SEMA6D: variants seen among roughly 807,000 people sequenced by gnomAD.
The protein encoded by SEMA6D is semaphorin-6D.
Under a neutral mutation model 106.6 loss-of-function variants are expected in SEMA6D, and 35 were observed. The observed-to-expected ratio is 0.33, with a 90% confidence interval of 0.25 to 0.44. The LOEUF is 0.44. Among genes scored for constraint, SEMA6D ranks in the 20% least tolerant of loss-of-function variants. The pLI, the probability that SEMA6D is intolerant of heterozygous loss-of-function variation, is 1.00. For synonymous variants in SEMA6D, 499 were observed against 487.7 expected, an observed-to-expected ratio of 1.02 and a Z score of -0.31; for missense variants, 1,185 against 1,345.9, an observed-to-expected ratio of 0.88 and a Z score of 1.87.
intron 4 of SEMA6D, among the ~76,000 whole-genome samples, chr15:47,614,607 T>C (rs2076972243): frequency 6.6e-6 from 1 of 152,156 alleles, no homozygotes; most frequent in African/African-American, 2.4e-5. Flanking sequence ...ACATCTATCT[T>C]CATAGTCCTT....
intron 1 of SEMA6D, among the ~76,000 whole-genome samples, chr15:47,367,385 A>G (rs972067281): frequency 1.3e-5 from 2 of 152,194 alleles, no homozygotes; most frequent in Non-Finnish European, 2.9e-5. Context: ...TTAGAGACCT[A>G]CTTGGTACTG....
In SEMA6D at chr15:47,690,795, T is replaced by TA. The variant is rs1330960623; in HGVS notation, c.-54-68948dup. 2.2e-5 allele frequency among the ~76,000 whole-genome samples: 3 copies of TA among 134,514 alleles called. No homozygotes were observed. In the East Asian group the frequency reaches 6.3e-4, roughly 28 times the overall value. 88.2% of individuals were successfully genotyped at this position (134,514 alleles called of 152,430 possible). A position where few individuals can be genotyped will look rare whatever the true frequency, so the allele number is the denominator to read the frequency against. On this transcript the variant is annotated intron_variant, in intron 4 of 19. Transcript: ENST00000558014. Reference sequence around the variant, plus strand: ...CTTTTGTAGAAACCGGGCTATTTTTTAACACTTCATTTTGTAGCAATTTTA... The same window carrying TA: ...CTTTTGTAGAAACCGGGCTATTTTTTAAACACTTCATTTTGTAGCAATTTTA...
intron 4 of SEMA6D, among the ~76,000 whole-genome samples, chr15:47,605,561 G>T (rs1247643693): frequency 4.0e-4 from 1 of 2,482 alleles, no homozygotes; most frequent in East Asian, 0.25. Context: ...ACTGCAGATG[G>T]GGTGTCTTAG....
intron 2 of SEMA6D, among the ~76,000 whole-genome samples, chr15:47,422,574 A>G (rs1482757788): frequency 6.6e-6 from 1 of 152,096 alleles, no homozygotes; most frequent in Non-Finnish European, 1.5e-5. Context: ...AGAAACTTCA[A>G]TGAGGACATG....
intron 4 of SEMA6D, among the ~76,000 whole-genome samples, chr15:47,706,008 G>C (rs2078906695): frequency 6.6e-6 from 1 of 152,158 alleles, no homozygotes; most frequent in Admixed American, 6.5e-5. Context: ...TTGGGCAAAG[G>C]ATGTTGTATT....
intron 1 of SEMA6D, among the ~76,000 whole-genome samples, chr15:47,279,106 TTACC>T (rs1566969285): frequency 2.0e-3 from 5 of 2,490 alleles, no homozygotes; most frequent in East Asian, 0.5. Context: ...CGCTCTTTAA[TTACC>T]TTGGGCAGTA....
At chr15:47,560,960 G>T (rs2046062564) in intron 3 of SEMA6D, among the ~76,000 whole-genome samples, 1 of 151,482 alleles carries the variant, frequency 6.6e-6, no homozygotes, top group South Asian at 2.1e-4. Flanking sequence ...TCTGCTTTCA[G>T]ATTTCTATCT....
At chr15:47,533,623 T>G (rs1016455235) in intron 3 of SEMA6D, among the ~76,000 whole-genome samples, 1 of 152,112 alleles carries the variant, frequency 6.6e-6, no homozygotes, top group Admixed American at 6.6e-5. Flanking sequence ...GGTGGATGTG[T>G]GACTGAGGGG....
At chr15:47,195,216 C>T (rs1174978000) in intron 1 of SEMA6D, among the ~76,000 whole-genome samples, 1 of 152,048 alleles carries the variant, frequency 6.6e-6, no homozygotes, top group African/African-American at 2.4e-5. Context: ...GAAAGATGGA[C>T]ACAGAGAAAC....
At chr15:47,252,152 C>A (rs923062830) in intron 1 of SEMA6D, among the ~76,000 whole-genome samples, 2 of 145,270 alleles carry the variant, frequency 1.4e-5, no homozygotes, top group Non-Finnish European at 3.0e-5. Flanking sequence ...CTCCTGACCT[C>A]GTGATCCGCC....
Position 47,250,440 on chromosome 15 carries a change from GAAGA to G in SEMA6D, c.-239+66044_-239+66047del, listed in dbSNP as rs549519554. Among the ~76,000 whole-genome samples, 195 of 151,776 alleles carry G rather than the reference GAAGA, an allele frequency of 1.3e-3. 1 individual carries two copies. Among genetic ancestry groups the G allele is most frequent in the Admixed American group, 4.1e-3 (62 of 15,236 alleles). On this transcript the variant is annotated intron_variant, in intron 1 of 19. Transcript: ENST00000558014. Reference sequence around the variant, plus strand: ...AAGGAAAGAACCTTTAGCAAATCCTGAAGAAAGAAAGAAAGAAAGAAAGAAGGAA... The same window carrying G: ...AAGGAAAGAACCTTTAGCAAATCCTGAAGAAAGAAAGAAAGAAAGAAGGAA...
At chr15:47,437,806 G>GCT (rs1308912938) in intron 2 of SEMA6D, among the ~76,000 whole-genome samples, 5 of 151,974 alleles carry the variant, frequency 3.3e-5, no homozygotes, top group Non-Finnish European at 4.4e-5. Flanking sequence ...AAAACCTTGG[G>GCT]CTCTCTCTCT....
intron 2 of SEMA6D, among the ~76,000 whole-genome samples, chr15:47,463,869 C>T (rs926947849): frequency 2.6e-5 from 4 of 152,128 alleles, no homozygotes; most frequent in African/African-American, 9.7e-5. Flanking sequence ...TGTCTCCAGT[C>T]ATACTTTGGC....
rs568470562 is a variant in SEMA6D, at chr15:47,657,525, C to T, written c.-55+56629C>T. ...AAGGAAGTTACTAATTTTTGCATTT[C>T]CTAATATTCTTATTACATGTATTTT... On this transcript the variant is annotated intron_variant, in intron 4 of 19. Transcript: ENST00000558014. 2.4e-4 allele frequency among the ~76,000 whole-genome samples: 36 copies of T among 151,796 alleles called. No homozygotes were observed. The East Asian group carries it at 7.0e-3, about 29-fold the overall frequency.
intron 3 of SEMA6D, among the ~76,000 whole-genome samples, chr15:47,576,969 C>T (rs527564425): frequency 3.3e-5 from 5 of 152,206 alleles, no homozygotes; most frequent in African/African-American, 1.2e-4. Flanking sequence ...CTTATGCACA[C>T]ATGGAATGCT....
At chr15:47,246,271 A>G (rs1325342795) in intron 1 of SEMA6D, among the ~76,000 whole-genome samples, 2 of 152,158 alleles carry the variant, frequency 1.3e-5, no homozygotes, top group Non-Finnish European at 2.9e-5. Flanking sequence ...CTGAGAGTGA[A>G]GGGGTAAAGA....
chr15:47,268,996 G>A (rs2034442972), intron 1 of SEMA6D, among the ~76,000 whole-genome samples: 1 of 152,012 alleles, frequency 6.6e-6, no homozygotes, highest in African/African-American at 2.4e-5. Context: ...ATTTGTGTTA[G>A]TATTTTCAGC....
chr15:47,511,524 C>T (rs143157007), intron 3 of SEMA6D, among the ~76,000 whole-genome samples: 1 of 152,180 alleles, frequency 6.6e-6, no homozygotes, highest in Non-Finnish European at 1.5e-5. Flanking sequence ...CCCCCTCCTG[C>T]CACATGTGTT....
intron 1 of SEMA6D, among the ~76,000 whole-genome samples, chr15:47,349,927 CACA>C (rs1026730617): frequency 2.6e-5 from 4 of 152,180 alleles, no homozygotes; most frequent in Non-Finnish European, 2.9e-5. Flanking sequence ...ACAGCAACAA[CACA>C]ACAACAGGAA....
Sources: allele counts gnomAD v4.1 joint callset (sites outside exome capture counted in the v4.1 genomes callset), GRCh38; gene constraint gnomAD v4.1.1; transcripts MANE v1.5; gene names NCBI Gene and HGNC (gene_info 2026-07-23, HGNC 2026-07-21).